Variants in PDE1C observed in about 807,000 individuals in gnomAD.
PDE1C encodes phosphodiesterase 1C.
In PDE1C, 62 loss-of-function variants were observed where a neutral mutation model predicts 93.1. The observed-to-expected ratio is 0.67, with a 90% confidence interval of 0.54 to 0.82. The LOEUF is 0.82. Among genes scored for constraint, PDE1C ranks in the 40% least tolerant of loss-of-function variants. The probability of loss-of-function intolerance (pLI) is 0.00; values close to 1 mark genes in which losing one functional copy is unlikely to be tolerated. For synonymous variants in PDE1C, 325 were observed against 310.1 expected, an observed-to-expected ratio of 1.05 and a Z score of -0.50; for missense variants, 742 against 884.6, an observed-to-expected ratio of 0.84 and a Z score of 2.04.
chr7:31,982,908 C>T (rs980782359), intron 2 of PDE1C, among the ~76,000 whole-genome samples: 1 of 152,192 alleles, frequency 6.6e-6, no homozygotes, highest in African/African-American at 2.4e-5. Flanking sequence ...TAGCTCCTCT[C>T]TCCATATACA....
At chr7:32,151,936 A>G (rs1307992306) in intron 3 of PDE1C, among the ~76,000 whole-genome samples, 1 of 152,154 alleles carries the variant, frequency 6.6e-6, no homozygotes, top group African/African-American at 2.4e-5. Flanking sequence ...GCTGTTTTTA[A>G]ATGTTCTTCT....
chr7:31,897,548 C>T lies in PDE1C; in HGVS notation c.129-16688G>A, dbSNP rs150678536. On this transcript the variant is annotated intron_variant, in intron 2 of 17. Transcript: ENST00000396191. ...AATTAAACAGGCTCAGATAATTTGA[C>T]ATACTTCACTTTTACCTCACAATGA... is the stretch of plus-strand genomic sequence containing the variant. Among the ~76,000 whole-genome samples the T allele has an allele frequency of 6.4e-3, 972 of 152,302 alleles. 8 individuals are homozygous for T. Among genetic ancestry groups the T allele is most frequent in the Non-Finnish European group, 0.01 (706 of 68,026 alleles).
chr7:32,335,286 CA>C (rs1783597727), intron 1 of PDE1C, among the ~76,000 whole-genome samples: 1 of 152,178 alleles, frequency 6.6e-6, no homozygotes, highest in South Asian at 2.1e-4. Flanking sequence ...CAACCACTCA[CA>C]TCCTCTGCTC....
At chr7:31,884,282 C>T (rs528612317) in intron 2 of PDE1C, among the ~76,000 whole-genome samples, 11 of 151,332 alleles carry the variant, frequency 7.3e-5, no homozygotes, top group African/African-American at 2.2e-4. Context: ...AAAGGATTCA[C>T]TTTTGAAAAA....
intron 1 of PDE1C, among the ~76,000 whole-genome samples, chr7:32,399,475 C>T (rs948289700): frequency 2.0e-5 from 3 of 151,824 alleles, no homozygotes; most frequent in African/African-American, 2.4e-5. Flanking sequence ...GGCTTGCGGG[C>T]GGTGCCTCTC....
chr7:31,938,203 T>A (rs4723118), intron 2 of PDE1C, among the ~76,000 whole-genome samples: 64,519 of 151,426 alleles, frequency 0.43, 15,573 homozygotes, highest in Non-Finnish European at 0.54. Flanking sequence ...TAATGTCATT[T>A]TGGAAGATGG....
intron 1 of PDE1C, among the ~76,000 whole-genome samples, chr7:32,377,775 A>G (rs1044308813): frequency 1.3e-5 from 2 of 152,122 alleles, no homozygotes; most frequent in Non-Finnish European, 2.9e-5. Flanking sequence ...ATTTAAATTC[A>G]GGTCGGTCTA....
intron 1 of PDE1C, among the ~76,000 whole-genome samples, chr7:32,344,628 T>C (rs1783817452): frequency 1.3e-5 from 2 of 152,166 alleles, no homozygotes; most frequent in African/African-American, 4.8e-5. Context: ...GTGAGTTTTC[T>C]GGACCACCTT....
upstream of PDE1C, chr7:32,070,681 T>G: frequency 7.8e-7 from 1 of 1,289,448 alleles, no homozygotes. Flanking sequence ...GGGATTGGGA[T>G]TGGACTCCAG....
intron 16 of PDE1C, among the ~76,000 whole-genome samples, chr7:31,806,839 C>T (rs911597711): frequency 6.6e-6 from 1 of 151,894 alleles, no homozygotes. Context: ...GACTCCCACT[C>T]ATTACCTGAC....
At chr7:31,833,361 G>A (rs1260487702) in intron 11 of PDE1C, among the ~76,000 whole-genome samples, 1 of 152,190 alleles carries the variant, frequency 6.6e-6, no homozygotes, top group Non-Finnish European at 1.5e-5. Flanking sequence ...TACTGGTAGA[G>A]TGTGGCTCTG....
At chr7:32,371,432 C>T (rs1032517162) in intron 1 of PDE1C, among the ~76,000 whole-genome samples, 6 of 152,110 alleles carry the variant, frequency 3.9e-5, no homozygotes, top group Non-Finnish European at 8.8e-5. Flanking sequence ...GTTTATATAT[C>T]CAGGTAATTA....
At chr7:32,152,332 C>T (rs1801310230) in intron 3 of PDE1C, among the ~76,000 whole-genome samples, 1 of 152,148 alleles carries the variant, frequency 6.6e-6, no homozygotes, top group Non-Finnish European at 1.5e-5. Context: ...GCTATGGATC[C>T]CTGCCAGGAG....
chr7:31,895,108 T>G (rs1051373295), intron 2 of PDE1C, among the ~76,000 whole-genome samples: 4 of 152,174 alleles, frequency 2.6e-5, no homozygotes, highest in African/African-American at 9.7e-5. Context: ...ACCACCTGCA[T>G]CTTCCTCAGC....
the PDE1C span, among the ~76,000 whole-genome samples, chr7:31,654,686 C>A: frequency 1.3e-5 from 2 of 152,184 alleles, no homozygotes; most frequent in South Asian, 4.2e-4. Context: ...GCCAGAGGCA[C>A]TGGGTCTCTA....
chr7:32,044,061 T>C (rs1007516048), intron 2 of PDE1C, among the ~76,000 whole-genome samples: 3 of 152,136 alleles, frequency 2.0e-5, no homozygotes, highest in African/African-American at 7.2e-5. Flanking sequence ...GCCCAATGCT[T>C]TTGGGGAGCA....
intron 1 of PDE1C, among the ~76,000 whole-genome samples, chr7:32,395,244 C>A (rs189616175): frequency 1.2e-3 from 188 of 152,246 alleles, no homozygotes; most frequent in African/African-American, 4.4e-3. Context: ...AAAACACATA[C>A]CTCACAATGT....
At position 31,875,694 on chromosome 7, in the gene PDE1C, C is replaced by G. The variant is rs369693722; in HGVS notation, c.492+2276G>C. Among the ~76,000 whole-genome samples the G allele has an allele frequency of 2.3e-4, 34 of 150,126 alleles. 2 individuals are homozygous for G. The South Asian group carries it at 6.8e-3, about 30-fold the overall frequency. On this transcript the variant is annotated intron_variant, in intron 5 of 17. Coordinates refer to ENST00000396191, the MANE Select transcript of PDE1C (RefSeq NM_001191057.4). The stretch of plus-strand genomic sequence containing the variant: ...TTCCAAGGTGTCACTTCCTGAGTCA[C>G]AAAACAGATGCCCTTCTAAAGAAGA...
chr7:32,336,484 A>AACATGACTACAATTTCAT (rs1327723664), intron 1 of PDE1C, among the ~76,000 whole-genome samples: 2 of 152,208 alleles, frequency 1.3e-5, no homozygotes, highest in Non-Finnish European at 2.9e-5. Flanking sequence ...TAGAAACATA[A>AACATGACTACAATTTCAT]GTCTCATAAT....
Sources: allele counts gnomAD v4.1 joint callset (sites outside exome capture counted in the v4.1 genomes callset), GRCh38; gene constraint gnomAD v4.1.1; transcripts MANE v1.5; gene names NCBI Gene and HGNC (gene_info 2026-07-23, HGNC 2026-07-21).